The following MIS18A variants were observed in gnomAD, a reference collection of about 807,000 sequenced individuals.
MIS18A encodes protein Mis18-alpha.
Under a neutral mutation model 25.0 loss-of-function variants are expected in MIS18A, and 14 were observed. The ratio of observed to expected loss-of-function variants is 0.56; its 90% CI spans 0.37 to 0.88. MIS18A has a LOEUF of 0.88. MIS18A is among the 40% of genes least tolerant of loss of function. The pLI is 0.00. For missense variants in MIS18A, 292 were observed against 290.8 expected (o/e 1.00, Z -0.03); for synonymous variants, 134 against 118.6 (o/e 1.13, Z -0.84).
the MIS18A span, among the ~76,000 whole-genome samples, chr21:32,178,385 T>C: frequency 1.3e-5 from 2 of 152,216 alleles, no homozygotes; most frequent in South Asian, 2.1e-4. Flanking sequence ...TTTATTCACA[T>C]ATTTACATTT....
downstream of MIS18A, among the ~76,000 whole-genome samples, chr21:32,263,252 A>G (rs2031537426): frequency 6.6e-6 from 1 of 152,180 alleles, no homozygotes; most frequent in African/African-American, 2.4e-5. Flanking sequence ...TGTTTCAGGT[A>G]TTTTGGGTTT....
chr21:32,201,540 G>C, the MIS18A span, among the ~76,000 whole-genome samples: 1,937 of 152,268 alleles, frequency 0.013, 32 homozygotes, highest in African/African-American at 0.043. Context: ...TTCCTTGCAG[G>C]CTGGGCACAG....
the MIS18A span, among the ~76,000 whole-genome samples, chr21:32,203,263 G>GA: frequency 2.0e-5 from 3 of 151,390 alleles, no homozygotes; most frequent in Non-Finnish European, 4.4e-5. Context: ...AAATAAAGAA[G>GA]AAAAAATTAT....
chr21:32,210,900 AT>A, the MIS18A span, among the ~76,000 whole-genome samples: 1 of 151,986 alleles, frequency 6.6e-6, no homozygotes. Flanking sequence ...TACTCAGCCC[AT>A]TTTCTTCTCT....
the MIS18A span, among the ~76,000 whole-genome samples, chr21:32,205,097 C>CTTTTTTT: frequency 6.6e-4 from 44 of 66,206 alleles, 2 homozygotes; most frequent in Non-Finnish European, 7.8e-4. Context: ...AGAACTTGTC[C>CTTTTTTT]TTTTTTTTTT....
chr21:32,273,157 C>CA (rs1457713581), intron 2 of MIS18A, among the ~76,000 whole-genome samples: 2 of 148,336 alleles, frequency 1.3e-5, no homozygotes, highest in African/African-American at 5.0e-5. Flanking sequence ...ATACATAGGG[C>CA]AAAGGTTACA....
chr21:32,203,649 TCA>T, the MIS18A span, among the ~76,000 whole-genome samples: 3 of 136,932 alleles, frequency 2.2e-5, no homozygotes, highest in Non-Finnish European at 4.6e-5. Context: ...AGATAGGGTC[TCA>T]CTCTGTCACC....
the MIS18A span, among the ~76,000 whole-genome samples, chr21:32,240,835 G>A: frequency 2.6e-5 from 4 of 151,966 alleles, no homozygotes; most frequent in African/African-American, 4.8e-5. Context: ...CAGTGAACTC[G>A]TACTGCAGAG....
the MIS18A span, among the ~76,000 whole-genome samples, chr21:32,180,413 C>T: frequency 3.9e-5 from 6 of 152,170 alleles, no homozygotes; most frequent in African/African-American, 7.2e-5. Flanking sequence ...CCCTGCTTTC[C>T]GTCTATAGTT....
At chr21:32,163,358 C>A in the MIS18A span, among the ~76,000 whole-genome samples, 1 of 152,276 alleles carries the variant, frequency 6.6e-6, no homozygotes, top group African/African-American at 2.4e-5. Context: ...CACATCTACC[C>A]CTTCTGGTTC....
the MIS18A span, among the ~76,000 whole-genome samples, chr21:32,246,562 C>A: frequency 6.6e-6 from 1 of 152,196 alleles, no homozygotes; most frequent in Non-Finnish European, 1.5e-5. Flanking sequence ...TTCATCCAAG[C>A]ACCCAGGAAA....
At chr21:32,235,845 G>C in the MIS18A span, among the ~76,000 whole-genome samples, 5 of 152,270 alleles carry the variant, frequency 3.3e-5, no homozygotes, top group African/African-American at 1.2e-4. Context: ...AATGGGAAAA[G>C]AGGAAGGTAA....
chr21:32,178,815 T>C, the MIS18A span, among the ~76,000 whole-genome samples: 568 of 152,308 alleles, frequency 3.7e-3, 6 homozygotes, highest in African/African-American at 0.013. Flanking sequence ...CTGTCTAGTC[T>C]CTCCTTTTGA....
chr21:32,270,197 A>G (rs1264190547), intron 3 of MIS18A, among the ~76,000 whole-genome samples: 3 of 151,956 alleles, frequency 2.0e-5, no homozygotes, highest in East Asian at 1.9e-4. Flanking sequence ...ATTTTCTCAC[A>G]GTGTTTTCTC....
At chr21:32,238,921 C>A in the MIS18A span, among the ~76,000 whole-genome samples, 4 of 152,154 alleles carry the variant, frequency 2.6e-5, no homozygotes, top group Admixed American at 2.0e-4. Flanking sequence ...TCATTCCAAC[C>A]TCACAGTGTG....
the MIS18A span, among the ~76,000 whole-genome samples, chr21:32,160,166 T>G: frequency 6.6e-6 from 1 of 152,132 alleles, no homozygotes; most frequent in African/African-American, 2.4e-5. Flanking sequence ...TATACAGGGT[T>G]CAATAAAACC....
the MIS18A span, among the ~76,000 whole-genome samples, chr21:32,187,159 C>T: frequency 2.6e-5 from 4 of 152,134 alleles, no homozygotes; most frequent in South Asian, 2.1e-4. Context: ...ATAAATAACC[C>T]GCCAACGATG....
chr21:32,176,892 T>C, the MIS18A span, among the ~76,000 whole-genome samples: 1 of 151,906 alleles, frequency 6.6e-6, no homozygotes, highest in South Asian at 2.1e-4. Context: ...ACAAAACCAT[T>C]TTATGAGGAT....
At chr21:32,259,068 C>T in the MIS18A span, among the ~76,000 whole-genome samples, 1 of 151,860 alleles carries the variant, frequency 6.6e-6, no homozygotes, top group African/African-American at 2.4e-5. Flanking sequence ...TCTTGCTGGT[C>T]TTGCTATGTC....
Sources: allele counts gnomAD v4.1 joint callset (sites outside exome capture counted in the v4.1 genomes callset), GRCh38; gene constraint gnomAD v4.1.1; transcripts MANE v1.5; gene names NCBI Gene and HGNC (gene_info 2026-07-23, HGNC 2026-07-21).